Variants in NCAM1 observed in about 807,000 individuals in gnomAD.
NCAM1 encodes the protein neural cell adhesion molecule 1, also known as antigen recognized by monoclonal antibody 5.1H11.
NCAM1 carries 14 observed loss-of-function variants against 109.8 expected under a neutral mutation model. That is an observed-to-expected ratio of 0.13 (90% confidence interval 0.08 to 0.20). The LOEUF (loss-of-function observed/expected upper bound fraction) is 0.20. Ranked by LOEUF, NCAM1 falls within the 10% of genes least tolerant of loss-of-function variation. The pLI, the probability that NCAM1 is intolerant of heterozygous loss-of-function variation, is 1.00. For missense variants in NCAM1, 774 were observed against 1,109.9 expected (o/e 0.70, Z 4.30); for synonymous variants, 418 against 442.9 (o/e 0.94, Z 0.70).
In NCAM1 at chr11:113,026,029, T is replaced by G. The variant is rs144706293; in HGVS notation, c.52+64365T>G. Among the ~76,000 whole-genome samples, 22 of 152,302 alleles carry G rather than the reference T, an allele frequency of 1.4e-4. No homozygotes were observed. The East Asian group carries it at 4.2e-3, about 29-fold the overall frequency. ...CAGCAAATATTTATGGAGAGCCTCC[T>G]GTGCTCAAGAACCCTTATTAAGTGC... is the stretch of plus-strand genomic sequence containing the variant. On this transcript the variant is annotated intron_variant, in intron 1 of 19. Transcript: ENST00000316851.
intron 1 of NCAM1, among the ~76,000 whole-genome samples, chr11:113,108,148 G>T (rs139272213): frequency 6.4e-4 from 97 of 152,226 alleles, no homozygotes; most frequent in African/African-American, 2.2e-3. Flanking sequence ...TCTGGCTTGA[G>T]GAATTTTTTT....
chr11:113,179,361 T>G (rs1372231285), intron 1 of NCAM1, among the ~76,000 whole-genome samples: 4 of 152,250 alleles, frequency 2.6e-5, no homozygotes, highest in Non-Finnish European at 5.9e-5. Context: ...ATTTCCATTT[T>G]CAGGGTTTGT....
intron 1 of NCAM1, among the ~76,000 whole-genome samples, chr11:113,161,736 C>T (rs1400762292): frequency 1.3e-5 from 2 of 152,150 alleles, no homozygotes; most frequent in Non-Finnish European, 2.9e-5. Context: ...GCTTCCCGCC[C>T]ACCCCCTTTG....
chr11:113,200,338 G>A (rs1944010952), intron 1 of NCAM1, among the ~76,000 whole-genome samples: 1 of 152,162 alleles, frequency 6.6e-6, no homozygotes, highest in Admixed American at 6.5e-5. Flanking sequence ...AGCATGGATA[G>A]CACTGGCCTG....
chr11:113,139,672 T>G (rs1185616783), intron 1 of NCAM1, among the ~76,000 whole-genome samples: 1 of 152,160 alleles, frequency 6.6e-6, no homozygotes, highest in Non-Finnish European at 1.5e-5. Flanking sequence ...TTGTAATCTT[T>G]TGGGTAGAGA....
chr11:113,171,864 G>A (rs965092655), intron 1 of NCAM1, among the ~76,000 whole-genome samples: 1 of 152,120 alleles, frequency 6.6e-6, no homozygotes, highest in Admixed American at 6.5e-5. Flanking sequence ...GGTCATTGCT[G>A]ATATAATTAG....
At position 113,009,321 on chromosome 11, in the gene NCAM1, T is replaced by TGTTGTTG. The variant is rs1555073928; in HGVS notation, c.52+47657_52+47658insGTTGTTG. Among the ~76,000 whole-genome samples the TGTTGTTG allele has an allele frequency of 3.2e-4, 44 of 135,626 alleles. 1 individual carries two copies. The highest frequency in any genetic ancestry group is 1.1e-3 in the East Asian group (5 of 4,600). 89.0% of individuals were successfully genotyped at this position (135,626 alleles called of 152,430 possible). A position where few individuals can be genotyped will look rare whatever the true frequency, so the allele number is the denominator to read the frequency against. ...GGAAGGGTTTTTTCGGGTTTTTTTT[T>TGTTGTTG]TTTTTTTTTTTTTTTTTTTTATTGA... On this transcript the variant is annotated intron_variant, in intron 1 of 19. Coordinates refer to ENST00000316851, the MANE Select transcript of NCAM1 (RefSeq NM_181351.5).
At chr11:113,243,659 T>C (rs1555119552) in intron 14 of NCAM1, 1 of 513,588 alleles carries the variant, frequency 1.9e-6, no homozygotes, top group Admixed American at 2.0e-5. Flanking sequence ...AGAATCCATA[T>C]GAGTATGCGT....
chr11:113,049,834 C>A (rs1555081505), intron 1 of NCAM1, among the ~76,000 whole-genome samples: 1 of 152,152 alleles, frequency 6.6e-6, no homozygotes, highest in African/African-American at 2.4e-5. Context: ...GTCCTATTGA[C>A]AAAGCGTGCT....
chr11:113,205,972 G>T, intron 4 of NCAM1, 71 bp from the exon 5 acceptor site: 1 of 1,579,258 alleles, frequency 6.3e-7, no homozygotes, highest in Non-Finnish European at 8.7e-7. Flanking sequence ...AAAAAGGAAA[G>T]AGACTCAGCC....
chr11:113,118,692 G>T (rs1229004387), intron 1 of NCAM1, among the ~76,000 whole-genome samples: 18 of 151,756 alleles, frequency 1.2e-4, no homozygotes, highest in Admixed American at 1.2e-3. Flanking sequence ...TAGAATTGAC[G>T]AATGGGTTCA....
intron 17 of NCAM1, among the ~76,000 whole-genome samples, chr11:113,266,563 G>A (rs1052460894): frequency 3.3e-5 from 5 of 152,086 alleles, no homozygotes; most frequent in Non-Finnish European, 5.9e-5. Context: ...ACCTAGGAGC[G>A]TGGTCCTCAT....
chr11:113,166,111 G>A (rs577042412), intron 1 of NCAM1, among the ~76,000 whole-genome samples: 10 of 152,208 alleles, frequency 6.6e-5, no homozygotes, highest in African/African-American at 1.9e-4. Context: ...GATTACAGGC[G>A]TGAGCCACCG....
At position 113,171,921 on chromosome 11, in the gene NCAM1, C is replaced by T. The variant is rs534677192; in HGVS notation, c.53-30458C>T. 3.9e-5 allele frequency among the ~76,000 whole-genome samples: 6 copies of T among 152,204 alleles called. No homozygotes were observed. In the South Asian group the frequency reaches 1.2e-3, roughly 32 times the overall value. On this transcript the variant is annotated intron_variant, in intron 1 of 19. Transcript: ENST00000316851. Reference sequence around the variant, plus strand: ...ATAGGATCGGCCCTATCCAGCATGACCGGCATTCTTATGAAAAGGGAAAAT... The same window carrying T: ...ATAGGATCGGCCCTATCCAGCATGATCGGCATTCTTATGAAAAGGGAAAAT...
chr11:113,058,466 G>T (rs1160915685), intron 1 of NCAM1, among the ~76,000 whole-genome samples: 1 of 152,184 alleles, frequency 6.6e-6, no homozygotes, highest in African/African-American at 2.4e-5. Context: ...GGTTTTGATT[G>T]AGATGAATGT....
Position 113,207,301 on chromosome 11 carries a change from C to T in NCAM1, c.669C>T (p.Ala223=). The T allele has an allele frequency of 6.2e-7, 1 of 1,614,000 alleles. No homozygotes were observed. Among genetic ancestry groups the T allele is most frequent in the Admixed American group, 1.7e-5 (1 of 60,018 alleles). ...TIQARQNIVN[A]TANLGQSVTL... Reference sequence around the variant, plus strand: ...AGGCCAGGCAGAATATTGTGAATGCCACCGCCAACCTCGGCCAGTCCGTCA... The same window carrying T: ...AGGCCAGGCAGAATATTGTGAATGCTACCGCCAACCTCGGCCAGTCCGTCA... Residue 223 remains alanine, a synonymous_variant, in exon 6 of 20, where the codon GCC becomes GCT. Coordinates refer to ENST00000316851, the MANE Select transcript of NCAM1 (RefSeq NM_181351.5).
chr11:113,231,646 C>T lies in NCAM1; in HGVS notation c.1091C>T (p.Thr364Ile), dbSNP rs372932320. The change falls in exon 10 of 20, where the codon ACT (threonine) becomes ATT (isoleucine). Residue 364 changes from threonine (T) to isoleucine (I), a missense_variant and splice_region_variant. Around this residue, in one of 4 missense-constraint regions of NCAM1, gnomAD observed 523 missense variants for 784.2 expected, o/e 0.67. Coordinates refer to ENST00000316851, the MANE Select transcript of NCAM1 (RefSeq NM_181351.5). The stretch of plus-strand genomic sequence containing the variant: ...TCCCTTCCCCCCCACCCCCGGCAGA[C>T]TCTGGATGGGCACATGGTGGTGCGT... ...ASWTRPEKQE[T>I]LDGHMVVRSH... 3 of 1,612,128 alleles carry T rather than the reference C, an allele frequency of 1.9e-6. No homozygotes were observed. The highest frequency in any genetic ancestry group is 1.3e-5 in the African/African-American group (1 of 74,814).
chr11:113,177,817 G>A (rs148296191), intron 1 of NCAM1, among the ~76,000 whole-genome samples: 458 of 152,112 alleles, frequency 3.0e-3, no homozygotes, highest in Middle Eastern at 0.01. Flanking sequence ...CGCTGAGGTG[G>A]GACTGTCTCT....
chr11:113,050,114 GT>G (rs1378992391), intron 1 of NCAM1, among the ~76,000 whole-genome samples: 46 of 141,882 alleles, frequency 3.2e-4, no homozygotes, highest in Admixed American at 1.4e-3. Flanking sequence ...AACGCATGGT[GT>G]GGGGTGGGGG....
Sources: gnomAD v4.1 joint callset for allele counts (sites outside exome capture counted in the v4.1 genomes callset) on GRCh38, gnomAD v4.1.1 for gene constraint, gnomAD v4.1.1 regional missense constraint, MANE v1.5 for transcripts, NCBI Gene and HGNC (gene_info 2026-07-23, HGNC 2026-07-21) for gene names.